The following GRIN2A variants were observed in gnomAD, a reference collection of about 807,000 sequenced individuals.
GRIN2A encodes the protein glutamate receptor ionotropic, NMDA 2A.
Under a neutral mutation model 113.4 loss-of-function variants are expected in GRIN2A, and 22 were observed. The ratio of observed to expected loss-of-function variants is 0.19; its 90% confidence interval spans 0.14 to 0.28. The LOEUF (loss-of-function observed/expected upper bound fraction) is 0.28, where lower values mean the gene tolerates loss of function less well. Among genes scored for constraint, GRIN2A ranks in the 10% least tolerant of loss-of-function variants. GRIN2A has a pLI of 1.00. For synonymous variants in GRIN2A, 827 were observed against 738.4 expected (o/e 1.12, Z -1.94); for missense variants, 1,502 against 1,887.0 (o/e 0.80, Z 3.78).
At chr16:10,084,967 T>C (rs2048059176) in intron 2 of GRIN2A, among the ~76,000 whole-genome samples, 2 of 152,186 alleles carry the variant, frequency 1.3e-5, no homozygotes, top group African/African-American at 2.4e-5. Flanking sequence ...CAATTTCCTA[T>C]GCACCAGGAA....
chr16:10,029,862 T>A (rs1401319538), intron 2 of GRIN2A, among the ~76,000 whole-genome samples: 1 of 152,074 alleles, frequency 6.6e-6, no homozygotes, highest in Non-Finnish European at 1.5e-5. Flanking sequence ...CCAGGTGTGG[T>A]GCTGCATGCC....
chr16:9,992,596 T>A (rs1196764848), intron 2 of GRIN2A, among the ~76,000 whole-genome samples: 1 of 152,210 alleles, frequency 6.6e-6, no homozygotes, highest in Non-Finnish European at 1.5e-5. Context: ...ACTAACATGT[T>A]TTCTGAAACG....
chr16:9,959,960 G>A (rs1033762557), intron 2 of GRIN2A, among the ~76,000 whole-genome samples: 3 of 152,096 alleles, frequency 2.0e-5, no homozygotes, highest in Non-Finnish European at 2.9e-5. Flanking sequence ...GTGACAGAGC[G>A]AGATTTCATC....
intron 2 of GRIN2A, among the ~76,000 whole-genome samples, chr16:9,944,969 C>G (rs184695204): frequency 6.6e-6 from 1 of 152,106 alleles, no homozygotes; most frequent in Non-Finnish European, 1.5e-5. Flanking sequence ...GTGAAGGACC[C>G]TGATTCCATG....
At chr16:10,020,566 A>T (rs1267190260) in intron 2 of GRIN2A, among the ~76,000 whole-genome samples, 1 of 152,196 alleles carries the variant, frequency 6.6e-6, no homozygotes, top group Non-Finnish European at 1.5e-5. Flanking sequence ...AATTTTCCAC[A>T]TTGAGTTTCT....
intron 7 of GRIN2A, among the ~76,000 whole-genome samples, chr16:9,837,481 G>A (rs998344318): frequency 4.6e-5 from 7 of 152,122 alleles, no homozygotes; most frequent in African/African-American, 1.7e-4. Flanking sequence ...CATAAGACAA[G>A]CCAATTGATA....
intron 2 of GRIN2A, among the ~76,000 whole-genome samples, chr16:9,953,084 G>A (rs1187678665): frequency 6.6e-6 from 1 of 152,156 alleles, no homozygotes; most frequent in Non-Finnish European, 1.5e-5. Flanking sequence ...AATGAAGGCA[G>A]AAAAGCAGGC....
chr16:9,847,713 T>C (rs1011922832), intron 5 of GRIN2A, among the ~76,000 whole-genome samples: 3 of 149,394 alleles, frequency 2.0e-5, no homozygotes, highest in African/African-American at 4.9e-5. Context: ...ATATGTAATG[T>C]TTTATATATT....
At chr16:9,918,839 A>T (rs1210352716) in intron 3 of GRIN2A, among the ~76,000 whole-genome samples, 5 of 151,504 alleles carry the variant, frequency 3.3e-5, no homozygotes. Context: ...AAAAAAACTA[A>T]CTTAAACAAA....
chr16:10,116,287 G>A (rs1308756040), intron 2 of GRIN2A, among the ~76,000 whole-genome samples: 1 of 152,194 alleles, frequency 6.6e-6, no homozygotes, highest in Non-Finnish European at 1.5e-5. Flanking sequence ...CATGGACACA[G>A]GGAGGGGAAC....
intron 2 of GRIN2A, among the ~76,000 whole-genome samples, chr16:10,124,645 T>C (rs1159880981): frequency 6.6e-6 from 1 of 152,092 alleles, no homozygotes; most frequent in East Asian, 1.9e-4. Flanking sequence ...AAAGATACAG[T>C]CACAATTGAT....
intron 3 of GRIN2A, among the ~76,000 whole-genome samples, chr16:9,923,292 G>C (rs961602544): frequency 1.3e-5 from 2 of 152,074 alleles, no homozygotes; most frequent in Non-Finnish European, 2.9e-5. Flanking sequence ...ATTAGTATTA[G>C]TGTGTACATA....
intron 2 of GRIN2A, among the ~76,000 whole-genome samples, chr16:9,941,077 A>C (rs2044864437): frequency 6.6e-6 from 1 of 152,224 alleles, no homozygotes; most frequent in Non-Finnish European, 1.5e-5. Context: ...TCTGACTGCA[A>C]AAGGTGGTGG....
At chr16:9,923,592 G>A (rs2044397912) in intron 3 of GRIN2A, among the ~76,000 whole-genome samples, 1 of 151,402 alleles carries the variant, frequency 6.6e-6, no homozygotes, top group Admixed American at 6.6e-5. Flanking sequence ...TAATGTTAGT[G>A]GTTTGTTTAG....
intron 2 of GRIN2A, among the ~76,000 whole-genome samples, chr16:10,066,059 A>G (rs912907699): frequency 2.6e-5 from 4 of 152,222 alleles, no homozygotes; most frequent in Non-Finnish European, 5.9e-5. Context: ...TGACACTTCC[A>G]TAGTCCATCT....
intron 2 of GRIN2A, among the ~76,000 whole-genome samples, chr16:10,178,401 C>T (rs1235462820): frequency 6.6e-6 from 1 of 152,240 alleles, no homozygotes; most frequent in East Asian, 1.9e-4. Flanking sequence ...CTAGCTACAT[C>T]AGCCACTATG....
At chr16:9,868,706 C>T (rs1217040139) in intron 4 of GRIN2A, among the ~76,000 whole-genome samples, 1 of 152,172 alleles carries the variant, frequency 6.6e-6, no homozygotes, top group Non-Finnish European at 1.5e-5. Context: ...CTCCCCAGGC[C>T]TTCCCTTCCC....
intron 10 of GRIN2A, among the ~76,000 whole-genome samples, chr16:9,814,406 G>A (rs1045907650): frequency 1.5e-4 from 23 of 152,128 alleles, no homozygotes; most frequent in African/African-American, 4.1e-4. Flanking sequence ...TACCCAGATC[G>A]TAGGGGTGTT....
chr16:10,084,562 C>T (rs1348402598), intron 2 of GRIN2A, among the ~76,000 whole-genome samples: 1 of 152,146 alleles, frequency 6.6e-6, no homozygotes, highest in East Asian at 1.9e-4. Flanking sequence ...TTCCCATTCT[C>T]TAGCAAAATC....
Sources: gnomAD v4.1 joint callset for allele counts (sites outside exome capture counted in the v4.1 genomes callset) on GRCh38, gnomAD v4.1.1 for gene constraint, MANE v1.5 for transcripts, NCBI Gene and HGNC (gene_info 2026-07-23, HGNC 2026-07-21) for gene names.